Variants in IP6K1 observed in about 807,000 individuals in gnomAD.
IP6K1 encodes inositol hexakisphosphate kinase 1, also known as ATP:1D-myo-inositol-hexakisphosphate phosphotransferase.
A neutral mutation model predicts 38.3 loss-of-function variants in IP6K1; 13 were observed. That is an observed-to-expected ratio of 0.34 (90% CI 0.22 to 0.54). The LOEUF is 0.54. Among genes scored for constraint, IP6K1 ranks in the 20% least tolerant of loss-of-function variants. IP6K1 has a pLI of 0.92. For synonymous variants in IP6K1, 212 were observed against 229.9 expected (o/e 0.92, Z 0.70); for missense variants, 397 against 599.8 (o/e 0.66, Z 3.53).
At chr3:49,734,558 ACCCT>A (rs2080590034) in intron 3 of IP6K1, among the ~76,000 whole-genome samples, 1 of 122,400 alleles carries the variant, frequency 8.2e-6, no homozygotes, top group South Asian at 2.8e-4. Context: ...GGAAATGCTA[ACCCT>A]CTCCAAGGGT....
At chr3:49,770,564 G>A (rs1255374343) in intron 1 of IP6K1, among the ~76,000 whole-genome samples, 1 of 152,110 alleles carries the variant, frequency 6.6e-6, no homozygotes, top group East Asian at 1.9e-4. Flanking sequence ...AGAATGGCTT[G>A]AGCCCAGGAA....
At chr3:49,766,909 G>A (rs1206476108) in intron 1 of IP6K1, among the ~76,000 whole-genome samples, 3 of 141,980 alleles carry the variant, frequency 2.1e-5, no homozygotes, top group African/African-American at 5.4e-5. Context: ...AGGTTGCAGC[G>A]AGCGTGCCAC....
At chr3:49,744,461 T>G (rs2080704354) in intron 2 of IP6K1, among the ~76,000 whole-genome samples, 1 of 150,212 alleles carries the variant, frequency 6.7e-6, no homozygotes, top group Non-Finnish European at 1.5e-5. Context: ...GAGTTGTCCC[T>G]TCATATCCAT....
At chr3:49,784,727 A>C (rs2081096217) in intron 1 of IP6K1, among the ~76,000 whole-genome samples, 2 of 151,906 alleles carry the variant, frequency 1.3e-5, no homozygotes. Context: ...CGGGTTGATC[A>C]TGAGGTCAGG....
chr3:49,733,972 AT>A (rs1470673881), intron 3 of IP6K1, among the ~76,000 whole-genome samples: 1 of 152,092 alleles, frequency 6.6e-6, no homozygotes. Context: ...TGTACAAAAA[AT>A]TTAAAAATTA....
intron 2 of IP6K1, among the ~76,000 whole-genome samples, chr3:49,739,150 A>G (rs1413806137): frequency 1.3e-5 from 2 of 151,850 alleles, no homozygotes; most frequent in East Asian, 3.9e-4. Context: ...TTTTGAAGGG[A>G]AAAAAAAGTA....
intron 1 of IP6K1, among the ~76,000 whole-genome samples, chr3:49,777,158 C>T (rs2081023740): frequency 6.6e-6 from 1 of 151,840 alleles, no homozygotes. Context: ...ATCACTTGAA[C>T]CTAGGAGGCG....
intron 1 of IP6K1, among the ~76,000 whole-genome samples, chr3:49,752,756 C>A (rs1338583383): frequency 7.3e-6 from 1 of 136,598 alleles, no homozygotes. Flanking sequence ...TGCGCCTAGC[C>A]TTTTTTTTTT....
At chr3:49,753,876 A>G (rs564010354) in intron 1 of IP6K1, among the ~76,000 whole-genome samples, 27 of 152,340 alleles carry the variant, frequency 1.8e-4, no homozygotes, top group African/African-American at 6.3e-4. Context: ...CTCTTTTAAG[A>G]TTTGATATAT....
At chr3:49,754,725 T>C (rs9855505) in intron 1 of IP6K1, among the ~76,000 whole-genome samples, 1 of 151,854 alleles carries the variant, frequency 6.6e-6, no homozygotes, top group Non-Finnish European at 1.5e-5. Context: ...CAGGACTACT[T>C]TAAGAGCTAG....
intron 1 of IP6K1, among the ~76,000 whole-genome samples, chr3:49,772,836 T>A (rs2080971715): frequency 6.6e-6 from 1 of 151,950 alleles, no homozygotes; most frequent in Non-Finnish European, 1.5e-5. Flanking sequence ...AGCTTTTTTT[T>A]TTTTTTAAAG....
At chr3:49,761,943 CT>C (rs1271142727) in intron 1 of IP6K1, among the ~76,000 whole-genome samples, 2 of 151,768 alleles carry the variant, frequency 1.3e-5, no homozygotes, top group African/African-American at 4.8e-5. Flanking sequence ...GAAACCCTGT[CT>C]CTCTCTCTTT....
rs2080738976 is a variant in IP6K1 at position 49,748,099 on chromosome 3, G to A, written c.-59C>T. 9 of 1,583,344 alleles carry A rather than the reference G, an allele frequency of 5.7e-6. No individual in the cohort carries two copies. The highest frequency in any genetic ancestry group is 6.9e-6 in the Non-Finnish European group (8 of 1,155,166). Reference sequence around the variant, plus strand: ...GGATGCAGCACATGGGCCACAAAAGGAGAGCTACATAGAAGGTCCTGGCCA... The same window carrying A: ...GGATGCAGCACATGGGCCACAAAAGAAGAGCTACATAGAAGGTCCTGGCCA... On this transcript the variant is annotated 5_prime_UTR_variant, in exon 2 of 6. Transcript: ENST00000321599.
In IP6K1 at chr3:49,728,118, C is replaced by T; in HGVS notation, c.777G>A (p.Arg259=). Residue 259 remains arginine (R), a synonymous_variant, in exon 5 of 6, where the codon AGG becomes AGA. Coordinates refer to ENST00000321599, the MANE Select transcript of IP6K1 (RefSeq NM_153273.4). ...GGTAACTCACCTGCATGCCGCAGAC[C>T]CTGACGCCCAGCGTGGCTGATGTGC... is the stretch of plus-strand genomic sequence containing the variant. ...EQSTSATLGV[R]VCGMQVYQLD... 5 of 1,613,816 alleles carry T rather than the reference C, an allele frequency of 3.1e-6. No individual in the cohort carries two copies. In the South Asian group the frequency reaches 4.4e-5, roughly 14 times the overall value.
At chr3:49,754,676 G>GA (rs1201186870) in intron 1 of IP6K1, among the ~76,000 whole-genome samples, 1 of 152,056 alleles carries the variant, frequency 6.6e-6, no homozygotes, top group East Asian at 1.9e-4. Flanking sequence ...CCTTGGCAGG[G>GA]AAAAAGAGAC....
chr3:49,727,407 C>T lies in IP6K1; in HGVS notation c.1041G>A (p.Glu347=), dbSNP rs2080518438. The change falls in exon 6 of 6, where the codon GAG becomes GAA. Residue 347 remains glutamate, a synonymous_variant. Transcript: ENST00000321599. The surrounding 1 kb of genome is among the most constrained non-coding windows in gnomAD (Gnocchi z 5.9). ...VIYDGKECRA[E]SCLDRRSEMR... is the part of the protein sequence containing the mutation. ...TCTCAGACCGGCGGTCCAGGCAGGA[C>T]TCAGCCCGGCACTCCTTGCCATCAT... The T allele has an allele frequency of 3.1e-6, 5 of 1,614,040 alleles. No individual in the cohort carries two copies. The East Asian group carries it at 1.1e-4, about 36-fold the overall frequency.
Position 49,724,706 on chromosome 3 carries a change from G to GT in IP6K1, c.*2415dup, listed in dbSNP as rs2080480681. ...GAGTGAGCGCGTGAGCAGCGGCTACGTAACTAGCACAGGTGCCAGGCCCCT... is the reference window on the plus strand; with the variant it reads ...GAGTGAGCGCGTGAGCAGCGGCTACGTTAACTAGCACAGGTGCCAGGCCCCT... On this transcript the variant is annotated 3_prime_UTR_variant, in exon 6 of 6. Coordinates refer to ENST00000321599, the MANE Select transcript of IP6K1 (RefSeq NM_153273.4). 1 of 152,696 alleles carries GT rather than the reference G, an allele frequency of 6.5e-6. No individual in the cohort carries two copies. The highest frequency in any genetic ancestry group is 6.5e-5 in the Admixed American group (1 of 15,282). The allele number at this position is 152,696 out of a possible 1,614,324, so 9.5% of individuals were successfully genotyped here. A position where few individuals can be genotyped will look rare whatever the true frequency, so the allele number is the denominator to read the frequency against.
chr3:49,768,283 C>T (rs1485555905), intron 1 of IP6K1, among the ~76,000 whole-genome samples: 3 of 152,158 alleles, frequency 2.0e-5, no homozygotes, highest in Non-Finnish European at 2.9e-5. Flanking sequence ...ATGGTGTCTA[C>T]GACCCATGTC....
At chr3:49,743,508 T>C (rs1038052035) in intron 2 of IP6K1, among the ~76,000 whole-genome samples, 1 of 151,910 alleles carries the variant, frequency 6.6e-6, no homozygotes, top group Admixed American at 6.6e-5. Context: ...AGCAAGACCC[T>C]GTCTCTACAA....
Sources: gnomAD v4.1 joint callset for allele counts (sites outside exome capture counted in the v4.1 genomes callset) on GRCh38, gnomAD v4.1.1 for gene constraint, Gnocchi (gnomAD v3.1) non-coding constraint, MANE v1.5 for transcripts, NCBI Gene and HGNC (gene_info 2026-07-23, HGNC 2026-07-21) for gene names.